NOL4: variants seen among roughly 807,000 people sequenced by gnomAD.
NOL4 encodes the protein nucleolar protein 4.
A neutral mutation model predicts 75.9 loss-of-function variants in NOL4; 17 were observed. The ratio of observed to expected loss-of-function variants is 0.22; its 90% CI spans 0.15 to 0.34. NOL4 has a LOEUF of 0.34. Among genes scored for constraint, NOL4 ranks in the 10% least tolerant of loss-of-function variants. The pLI is 1.00. For missense variants in NOL4, 614 were observed against 793.5 expected, an observed-to-expected ratio of 0.77 and a Z score of 2.72; for synonymous variants, 292 against 289.9, an observed-to-expected ratio of 1.01 and a Z score of -0.07.
In NOL4 at chr18:34,149,380, G is replaced by A. The variant is rs1316375554; in HGVS notation, c.265-19360C>T. On this transcript the variant is annotated intron_variant, in intron 1 of 10. Transcript: ENST00000261592. ...TGAATAATAATCCCAGAAAATAAAA[G>A]GACTTTTATTTTGGGAAAATTCTGG... Among the ~76,000 whole-genome samples, 3 of 151,524 alleles carry A rather than the reference G, an allele frequency of 2.0e-5. No individual in the cohort carries two copies. The East Asian group carries it at 5.8e-4, about 29-fold the overall frequency.
At chr18:34,185,813 A>AGG (rs768320075) in intron 1 of NOL4, among the ~76,000 whole-genome samples, 2 of 152,168 alleles carry the variant, frequency 1.3e-5, no homozygotes, top group Non-Finnish European at 1.5e-5. Flanking sequence ...CGTATCTCCT[A>AGG]CTTCACCAAA....
At position 33,955,225 on chromosome 18, in the gene NOL4, G is replaced by A. The variant is rs143344975; in HGVS notation, c.1428+2101C>T. Among the ~76,000 whole-genome samples, 354 of 151,906 alleles carry A rather than the reference G, an allele frequency of 2.3e-3. 1 individual carries two copies. The highest frequency in any genetic ancestry group is 6.0e-3 in the African/African-American group (248 of 41,460). On this transcript the variant is annotated intron_variant, in intron 8 of 10. Coordinates refer to ENST00000261592, the MANE Select transcript of NOL4 (RefSeq NM_003787.5). The stretch of plus-strand genomic sequence containing the variant: ...GATATAATTTTCAGTTTAAAGAATC[G>A]CTTAATTCATTTTTATAATACTTCT...
intron 1 of NOL4, among the ~76,000 whole-genome samples, chr18:34,179,798 C>T (rs1035100356): frequency 5.3e-5 from 8 of 151,422 alleles, no homozygotes; most frequent in Non-Finnish European, 8.9e-5. Context: ...AAAGCAGGCC[C>T]CTATCAGAAA....
intron 6 of NOL4, among the ~76,000 whole-genome samples, chr18:34,014,052 G>C (rs1049819112): frequency 2.0e-5 from 3 of 151,696 alleles, no homozygotes; most frequent in Admixed American, 2.0e-4. Context: ...TCAATCCATC[G>C]CTCTTAGTTT....
At chr18:34,016,381 C>T (rs1449277563) in intron 6 of NOL4, among the ~76,000 whole-genome samples, 1 of 151,656 alleles carries the variant, frequency 6.6e-6, no homozygotes, top group African/African-American at 2.4e-5. Flanking sequence ...TCCAAGCTGA[C>T]CACAGGCTTT....
chr18:33,957,898 A>T (rs1393950153), intron 7 of NOL4, among the ~76,000 whole-genome samples: 5 of 151,936 alleles, frequency 3.3e-5, no homozygotes, highest in African/African-American at 1.2e-4. Flanking sequence ...CAAACAACTG[A>T]CTCTTTTGTC....
intron 1 of NOL4, among the ~76,000 whole-genome samples, chr18:34,143,030 G>T (rs1054121494): frequency 2.1e-5 from 3 of 144,968 alleles, no homozygotes; most frequent in Non-Finnish European, 4.6e-5. Context: ...TTTGGATTTT[G>T]AGTTCAAGGA....
intron 9 of NOL4, among the ~76,000 whole-genome samples, chr18:33,884,245 T>C (rs140014431): frequency 8.1e-4 from 123 of 152,206 alleles, no homozygotes; most frequent in African/African-American, 2.9e-3. Context: ...TTCTCTGTTG[T>C]CTCTCTCTTC....
chr18:34,082,812 G>A (rs2078070872), intron 5 of NOL4, among the ~76,000 whole-genome samples: 1 of 152,088 alleles, frequency 6.6e-6, no homozygotes, highest in Non-Finnish European at 1.5e-5. Context: ...TATGGCACCA[G>A]GAATGATTCT....
At chr18:34,118,569 C>CTCTA (rs1753168670) in intron 2 of NOL4, among the ~76,000 whole-genome samples, 1 of 152,168 alleles carries the variant, frequency 6.6e-6, no homozygotes, top group African/African-American at 2.4e-5. Context: ...TAAATCTAGG[C>CTCTA]TCTATGCATA....
Position 34,046,908 on chromosome 18 carries a change from G to A in NOL4, c.773-27307C>T, listed in dbSNP as rs893282964. Reference sequence around the variant, plus strand: ...TTGTAATTTTTAAGGGTCCTATCCCGAACTACTAATAGAAATCACCAAAAA... The same window carrying A: ...TTGTAATTTTTAAGGGTCCTATCCCAAACTACTAATAGAAATCACCAAAAA... On this transcript the variant is annotated intron_variant, in intron 5 of 10. Transcript: ENST00000261592. 3.2e-4 allele frequency among the ~76,000 whole-genome samples: 49 copies of A among 151,804 alleles called. 1 individual carries two copies. The highest frequency in any genetic ancestry group is 3.4e-3 in the Middle Eastern group (1 of 292).
chr18:34,175,231 A>G (rs1490470900), intron 1 of NOL4, among the ~76,000 whole-genome samples: 1 of 152,098 alleles, frequency 6.6e-6, no homozygotes, highest in African/African-American at 2.4e-5. Context: ...ATTATTTTAC[A>G]TGTCTAGTGC....
intron 6 of NOL4, among the ~76,000 whole-genome samples, chr18:33,986,793 G>T (rs980841018): frequency 6.6e-6 from 1 of 151,978 alleles, no homozygotes; most frequent in African/African-American, 2.4e-5. Flanking sequence ...GAAAACATAA[G>T]TTCACACAAA....
chr18:33,852,646 C>T lies in NOL4; in HGVS notation c.*196G>A. Reference sequence around the variant, plus strand: ...CAATAGGCTGGACATACTAAAGTAGCTCAAGTACTTCAGAGGTCAGAGTTC... The same window carrying T: ...CAATAGGCTGGACATACTAAAGTAGTTCAAGTACTTCAGAGGTCAGAGTTC... On this transcript the variant is annotated 3_prime_UTR_variant, in exon 11 of 11. Transcript: ENST00000261592. 3 of 528,454 alleles carry T rather than the reference C, an allele frequency of 5.7e-6. No homozygotes were observed. In the East Asian group the frequency reaches 9.3e-5, roughly 16 times the overall value. 32.7% of individuals were successfully genotyped at this position (528,454 alleles called of 1,614,324 possible).
chr18:34,035,753 G>A (rs571134420), intron 5 of NOL4, among the ~76,000 whole-genome samples: 2 of 151,518 alleles, frequency 1.3e-5, no homozygotes, highest in Admixed American at 1.3e-4. Context: ...AGAGAAGATA[G>A]AAGACTCAAA....
chr18:33,995,505 A>G (rs139941238), intron 6 of NOL4, among the ~76,000 whole-genome samples: 1,772 of 151,734 alleles, frequency 0.012, 32 homozygotes, highest in African/African-American at 0.04. Flanking sequence ...GTCTCAATAG[A>G]CACACAAAAA....
chr18:34,224,665 C>T lies in NOL4; in HGVS notation c.-1412G>A, dbSNP rs1254444131. ...CCACCTTCTTCCCTCGTCGTCGTCT[C>T]CCAGACTAAATCCCGGAAAGGGAAA... On this transcript the variant is annotated 5_prime_UTR_variant, in exon 1 of 11. Coordinates refer to ENST00000261592, the MANE Select transcript of NOL4 (RefSeq NM_003787.5). 6.6e-6 allele frequency: 1 copy of T among 152,314 alleles called. No homozygotes were observed. The highest frequency in any genetic ancestry group is 1.5e-5 in the Non-Finnish European group (1 of 68,084). The allele number at this position is 152,314 out of a possible 1,614,324, so 9.4% of individuals were successfully genotyped here.
intron 1 of NOL4, among the ~76,000 whole-genome samples, chr18:34,187,581 G>T (rs914712690): frequency 1.3e-5 from 2 of 151,932 alleles, no homozygotes; most frequent in Admixed American, 6.5e-5. Context: ...TAGAGACGGG[G>T]TTTCACCGTG....
chr18:33,962,000 C>T (rs527284159), intron 6 of NOL4, among the ~76,000 whole-genome samples: 1 of 152,174 alleles, frequency 6.6e-6, no homozygotes, highest in Admixed American at 6.5e-5. Flanking sequence ...TCAGAAATGG[C>T]CCCTCGCTCT....
Sources: allele counts gnomAD v4.1 joint callset (sites outside exome capture counted in the v4.1 genomes callset), GRCh38; gene constraint gnomAD v4.1.1; transcripts MANE v1.5; gene names NCBI Gene and HGNC (gene_info 2026-07-23, HGNC 2026-07-21).